The following LRRC37A2 variants were observed in gnomAD, a reference collection of about 807,000 sequenced individuals.
LRRC37A2 encodes the protein leucine rich repeat containing 37 member A2, also known as leucine-rich repeat-containing protein 37A2.
In LRRC37A2, 9 loss-of-function variants were observed where a neutral mutation model predicts 68.8. That is an observed-to-expected ratio of 0.13 (90% CI 0.08 to 0.23). The LOEUF is 0.23. Ranked by LOEUF, LRRC37A2 falls within the 10% of genes least tolerant of loss-of-function variation. The probability of loss-of-function intolerance (pLI) is 1.00; values close to 1 mark genes in which losing one functional copy is unlikely to be tolerated. For synonymous variants in LRRC37A2, 63 were observed against 367.6 expected, an observed-to-expected ratio of 0.17 and a Z score of 9.48; for missense variants, 168 against 950.4, an observed-to-expected ratio of 0.18 and a Z score of 10.82.
chr17:47,033,054 TA>T, the LRRC37A2 span, among the ~76,000 whole-genome samples: 1 of 151,644 alleles, frequency 6.6e-6, no homozygotes, highest in Non-Finnish European at 1.5e-5. Context: ...CTGTCTCTAC[TA>T]AAAATACAAA....
the LRRC37A2 span, among the ~76,000 whole-genome samples, chr17:46,892,883 G>A: frequency 1.3e-5 from 2 of 151,976 alleles, no homozygotes; most frequent in Admixed American, 6.6e-5. Context: ...AGTGTCTGTT[G>A]AAGAACTGCA....
the LRRC37A2 span, chr17:46,941,526 C>A: frequency 2.3e-6 from 1 of 442,380 alleles, no homozygotes; most frequent in Non-Finnish European, 3.0e-6. Flanking sequence ...ATTCCTGGGG[C>A]CTACCCCAGA....
At chr17:46,749,907 G>A in the LRRC37A2 span, 13 of 1,613,134 alleles carry the variant, frequency 8.1e-6, no homozygotes, top group Non-Finnish European at 1.1e-5. Flanking sequence ...AAGCTTTGGA[G>A]GTAAAAATGA....
the LRRC37A2 span, among the ~76,000 whole-genome samples, chr17:46,445,066 C>CT: frequency 3.3e-5 from 3 of 91,922 alleles, no homozygotes; most frequent in Non-Finnish European, 4.7e-5. Flanking sequence ...TTTCTGTGAA[C>CT]TTTAACATTT....
At chr17:46,915,172 C>T in the LRRC37A2 span, among the ~76,000 whole-genome samples, 2 of 152,200 alleles carry the variant, frequency 1.3e-5, no homozygotes, top group Non-Finnish European at 2.9e-5. Flanking sequence ...AGAGGTCACA[C>T]AGTAGGATTC....
chr17:46,462,740 T>C, the LRRC37A2 span, among the ~76,000 whole-genome samples: 2 of 97,322 alleles, frequency 2.1e-5, 1 homozygote, highest in Non-Finnish European at 4.7e-5. Context: ...AATTCCTACC[T>C]CACAGCATAC....
the LRRC37A2 span, among the ~76,000 whole-genome samples, chr17:47,003,646 C>T: frequency 6.6e-6 from 1 of 152,026 alleles, no homozygotes; most frequent in Admixed American, 6.5e-5. Context: ...ACGTGGATGG[C>T]GTGTTTGGGC....
the LRRC37A2 span, among the ~76,000 whole-genome samples, chr17:46,740,078 C>G: frequency 1.3e-5 from 2 of 152,170 alleles, no homozygotes; most frequent in African/African-American, 2.4e-5. Context: ...TTGTCCTTGC[C>G]TGTCAGTTTT....
chr17:46,908,132 C>T, the LRRC37A2 span, among the ~76,000 whole-genome samples: 7 of 152,172 alleles, frequency 4.6e-5, no homozygotes, highest in East Asian at 1.9e-4. Flanking sequence ...TGCTGTTTGA[C>T]GCTTCATGAT....
chr17:46,840,374 C>T, the LRRC37A2 span, among the ~76,000 whole-genome samples: 10 of 152,330 alleles, frequency 6.6e-5, no homozygotes, highest in Admixed American at 2.6e-4. Context: ...GCGCGAGCCA[C>T]GGTGCCCAGC....
the LRRC37A2 span, among the ~76,000 whole-genome samples, chr17:46,840,015 CTTTCT>C: frequency 1.2e-5 from 1 of 86,406 alleles, no homozygotes; most frequent in Non-Finnish European, 2.2e-5. Flanking sequence ...TTCTTTCTTT[CTTTCT>C]TTCTTTCTTT....
At chr17:46,891,082 C>G in the LRRC37A2 span, among the ~76,000 whole-genome samples, 2 of 151,272 alleles carry the variant, frequency 1.3e-5, no homozygotes, top group Admixed American at 6.6e-5. Flanking sequence ...TGGGGAGAGA[C>G]AGGAGGGCGA....
At chr17:47,026,217 C>T in the LRRC37A2 span, among the ~76,000 whole-genome samples, 1 of 152,252 alleles carries the variant, frequency 6.6e-6, no homozygotes, top group Admixed American at 6.5e-5. Flanking sequence ...GGGGAAAATA[C>T]TCTAAACTTG....
chr17:46,997,970 GAA>G, the LRRC37A2 span, among the ~76,000 whole-genome samples: 58 of 136,690 alleles, frequency 4.2e-4, no homozygotes, highest in South Asian at 0.013. Context: ...AACTCCATCT[GAA>G]AAAAAAAAAA....
the LRRC37A2 span, among the ~76,000 whole-genome samples, chr17:47,006,995 C>T: frequency 6.6e-6 from 1 of 152,094 alleles, no homozygotes; most frequent in African/African-American, 2.4e-5. Flanking sequence ...ATTCATGGTT[C>T]CAGAGGTTCT....
the LRRC37A2 span, among the ~76,000 whole-genome samples, chr17:46,499,311 CA>C: frequency 0.012 from 742 of 60,480 alleles, 6 homozygotes; most frequent in African/African-American, 0.059. Flanking sequence ...GACTCCAGCT[CA>C]AAAAAAAAAA....
At chr17:46,872,706 C>T in the LRRC37A2 span, 2 of 1,613,392 alleles carry the variant, frequency 1.2e-6, no homozygotes, top group Non-Finnish European at 1.7e-6. Context: ...TGCTTGAGTG[C>T]CAGTTTCAGT....
At chr17:46,736,182 C>T in the LRRC37A2 span, among the ~76,000 whole-genome samples, 2 of 152,162 alleles carry the variant, frequency 1.3e-5, no homozygotes, top group African/African-American at 4.8e-5. Flanking sequence ...AAGACAAATA[C>T]TCTTGTCTGG....
the LRRC37A2 span, among the ~76,000 whole-genome samples, chr17:46,901,110 G>A: frequency 6.6e-6 from 1 of 151,974 alleles, no homozygotes; most frequent in East Asian, 1.9e-4. Context: ...GAGGTAGAGG[G>A]AACTGAAGTG....
Sources: gnomAD v4.1 joint callset for allele counts (sites outside exome capture counted in the v4.1 genomes callset) on GRCh38, gnomAD v4.1.1 for gene constraint, MANE v1.5 for transcripts, NCBI Gene and HGNC (gene_info 2026-07-23, HGNC 2026-07-21) for gene names.